Variants in UNC5C observed in about 807,000 individuals in gnomAD.
UNC5C encodes unc-5 netrin receptor C.
A neutral mutation model predicts 99.8 loss-of-function variants in UNC5C; 47 were observed. That is an observed-to-expected ratio of 0.47 (90% CI 0.37 to 0.60). UNC5C has a LOEUF of 0.60. UNC5C is among the 20% of genes least tolerant of loss of function. The probability of loss-of-function intolerance (pLI) is 0.00; values close to 1 mark genes in which losing one functional copy is unlikely to be tolerated. For missense variants in UNC5C, 1,062 were observed against 1,165.9 expected (o/e 0.91, Z 1.30); for synonymous variants, 487 against 452.2 (o/e 1.08, Z -0.98).
chr4:95,439,918 A>G (rs1746900259), intron 1 of UNC5C, among the ~76,000 whole-genome samples: 1 of 152,158 alleles, frequency 6.6e-6, no homozygotes, highest in African/African-American at 2.4e-5. Context: ...AATGTTAGAA[A>G]AGGAGAGGAA....
chr4:95,291,859 T>C (rs987447269), intron 3 of UNC5C, among the ~76,000 whole-genome samples: 1 of 152,166 alleles, frequency 6.6e-6, no homozygotes, highest in Non-Finnish European at 1.5e-5. Flanking sequence ...ATAATTGGAT[T>C]AATGTGGGCT....
intron 4 of UNC5C, among the ~76,000 whole-genome samples, chr4:95,261,573 A>C (rs1194471940): frequency 2.6e-5 from 4 of 152,256 alleles, no homozygotes; most frequent in African/African-American, 9.6e-5. Flanking sequence ...GCAGATAAAG[A>C]GGAGTTCAGG....
chr4:95,190,332 G>A (rs571644598), intron 12 of UNC5C, among the ~76,000 whole-genome samples: 2 of 135,670 alleles, frequency 1.5e-5, no homozygotes, highest in African/African-American at 5.6e-5. Context: ...ACACACCGGG[G>A]ACTGTTGTGG....
rs565968059 is a variant in UNC5C, at chr4:95,284,025, A to G, written c.491-5663T>C. Among the ~76,000 whole-genome samples the G allele has an allele frequency of 1.3e-4, 20 of 152,296 alleles. No homozygotes were observed. In the South Asian group the frequency reaches 3.7e-3, roughly 28 times the overall value. On this transcript the variant is annotated intron_variant, in intron 3 of 15. Coordinates refer to ENST00000453304, the MANE Select transcript of UNC5C (RefSeq NM_003728.4). ...CAGACCTGAAACAATATAGATTTCT[A>G]TTTTCCATTTATACATAACCAAAGA...
intron 2 of UNC5C, among the ~76,000 whole-genome samples, chr4:95,313,082 G>A (rs916090111): frequency 1.3e-5 from 2 of 152,120 alleles, no homozygotes; most frequent in Non-Finnish European, 2.9e-5. Flanking sequence ...ACTGAAACAA[G>A]GTTTGGGTTT....
chr4:95,219,884 T>C, intron 8 of UNC5C, 101 bp downstream of exon 8: 7 of 1,291,748 alleles, frequency 5.4e-6, no homozygotes, highest in Non-Finnish European at 7.5e-6. Flanking sequence ...GCTGTCTTCA[T>C]GGAGCTTACA....
At chr4:95,387,639 C>T (rs181883065) in intron 1 of UNC5C, among the ~76,000 whole-genome samples, 1 of 152,300 alleles carries the variant, frequency 6.6e-6, no homozygotes, top group East Asian at 1.9e-4. Context: ...CATCCTAAAA[C>T]TCTGTGTTTC....
intron 12 of UNC5C, among the ~76,000 whole-genome samples, chr4:95,185,595 A>ATTAAC (rs1439698643): frequency 2.0e-5 from 3 of 152,250 alleles, no homozygotes; most frequent in African/African-American, 4.8e-5. Context: ...TAGATTTTCA[A>ATTAAC]TTAACTTTTA....
At chr4:95,421,905 T>C (rs1746330006) in intron 1 of UNC5C, among the ~76,000 whole-genome samples, 1 of 152,216 alleles carries the variant, frequency 6.6e-6, no homozygotes, top group Non-Finnish European at 1.5e-5. Context: ...TTTCTTTCTC[T>C]AATACTTTAC....
chr4:95,535,405 G>A (rs147215025), intron 1 of UNC5C, among the ~76,000 whole-genome samples: 1 of 152,084 alleles, frequency 6.6e-6, no homozygotes, highest in African/African-American at 2.4e-5. Flanking sequence ...GTAACGTCAA[G>A]TGAAAAATCA....
intron 12 of UNC5C, among the ~76,000 whole-genome samples, chr4:95,199,642 T>C (rs1737573371): frequency 6.6e-6 from 1 of 152,216 alleles, no homozygotes; most frequent in African/African-American, 2.4e-5. Flanking sequence ...TATTCTATTT[T>C]TGCATGTATT....
In UNC5C at chr4:95,547,528, G is replaced by A. The variant is rs917148770; in HGVS notation, c.124+1206C>T. 6.6e-5 allele frequency among the ~76,000 whole-genome samples: 10 copies of A among 152,196 alleles called. No homozygotes were observed. The South Asian group carries it at 2.1e-3, about 32-fold the overall frequency. ...TCCAAATTTGGAAGGAAGAGTAACC[G>A]AGAGTGAAGGGAGAATCCCTGAATT... On this transcript the variant is annotated intron_variant, in intron 1 of 15. Coordinates refer to ENST00000453304, the MANE Select transcript of UNC5C (RefSeq NM_003728.4).
chr4:95,457,971 T>C (rs977069597), intron 1 of UNC5C, among the ~76,000 whole-genome samples: 1 of 152,112 alleles, frequency 6.6e-6, no homozygotes, highest in Non-Finnish European at 1.5e-5. Context: ...CTCTGAGAAA[T>C]GTGAACAGCT....
chr4:95,462,035 C>G (rs909244203), intron 1 of UNC5C, among the ~76,000 whole-genome samples: 1 of 151,968 alleles, frequency 6.6e-6, no homozygotes, highest in East Asian at 1.9e-4. Context: ...GTTGATAGAG[C>G]CTTGGGTTTT....
At chr4:95,486,827 A>G (rs1686084200) in intron 1 of UNC5C, among the ~76,000 whole-genome samples, 1 of 151,592 alleles carries the variant, frequency 6.6e-6, no homozygotes, top group South Asian at 2.1e-4. Context: ...GCTACATGCT[A>G]TGGTTTGAAT....
Position 95,351,869 on chromosome 4 carries a change from C to T in UNC5C, c.125-16238G>A, listed in dbSNP as rs144564364. Among the ~76,000 whole-genome samples the T allele has an allele frequency of 3.1e-3, 475 of 152,172 alleles. 10 individuals are homozygous for T. Among genetic ancestry groups the T allele is most frequent in the African/African-American group, 0.01 (434 of 41,526 alleles). On this transcript the variant is annotated intron_variant, in intron 1 of 15. Coordinates refer to ENST00000453304, the MANE Select transcript of UNC5C (RefSeq NM_003728.4). ...TGAATACAGTGCCCCTTCAACCTCT[C>T]GGCCTCATCTGACATTTGACCCCAC... is the stretch of plus-strand genomic sequence containing the variant.
intron 1 of UNC5C, among the ~76,000 whole-genome samples, chr4:95,527,380 A>T (rs988637498): frequency 6.6e-6 from 1 of 152,116 alleles, no homozygotes; most frequent in African/African-American, 2.4e-5. Context: ...AATCACAAAA[A>T]TATACAACTG....
At chr4:95,525,739 T>C (rs555403706) in intron 1 of UNC5C, among the ~76,000 whole-genome samples, 1 of 152,232 alleles carries the variant, frequency 6.6e-6, no homozygotes, top group African/African-American at 2.4e-5. Flanking sequence ...TGTTGTTGTA[T>C]AGAGTAACTA....
chr4:95,360,223 T>C (rs1386154197), intron 1 of UNC5C, among the ~76,000 whole-genome samples: 4 of 152,214 alleles, frequency 2.6e-5, no homozygotes, highest in Non-Finnish European at 5.9e-5. Context: ...GACATGTTCT[T>C]ATTATTCTTT....
Sources: allele counts gnomAD v4.1 joint callset (sites outside exome capture counted in the v4.1 genomes callset), GRCh38; gene constraint gnomAD v4.1.1; transcripts MANE v1.5; gene names NCBI Gene and HGNC (gene_info 2026-07-23, HGNC 2026-07-21).